The following ADGRD1 variants were observed in gnomAD, a reference collection of about 807,000 sequenced individuals.
The protein encoded by ADGRD1 is adhesion G protein-coupled receptor D1.
ADGRD1 carries 77 observed loss-of-function variants against 113.4 expected under a neutral mutation model. The ratio of observed to expected loss-of-function variants is 0.68; its 90% CI spans 0.57 to 0.82. The LOEUF is 0.82. Among genes scored for constraint, ADGRD1 ranks in the 40% least tolerant of loss-of-function variants. The pLI is 0.00. For missense variants in ADGRD1, 1,036 were observed against 1,139.1 expected, an observed-to-expected ratio of 0.91 and a Z score of 1.30; for synonymous variants, 474 against 475.0, an observed-to-expected ratio of 1.00 and a Z score of 0.03.
rs151291793 is a variant in ADGRD1, at chr12:131,136,172, C to T, written c.2394+9C>T. On this transcript the variant is annotated intron_variant, in intron 22 of 24. Coordinates refer to ENST00000261654, the MANE Select transcript of ADGRD1 (RefSeq NM_198827.5). ...CGCTCAACTCCCTGCAGGTGAGAGC[C>T]GCGGGGACTGGCGGGGAGGCAGGGC... 87 of 1,613,790 alleles carry T rather than the reference C, an allele frequency of 5.4e-5. No individual in the cohort carries two copies. In the East Asian group the frequency reaches 6.9e-4, roughly 13 times the overall value.
At chr12:131,105,689 G>A in intron 16 of ADGRD1, 65 bp from the exon 17 acceptor site, 1 of 1,284,660 alleles carries the variant, frequency 7.8e-7, no homozygotes, top group Non-Finnish European at 1.1e-6. Context: ...GTGGGGCCAG[G>A]GAGCCCAGCC....
intron 5 of ADGRD1, among the ~76,000 whole-genome samples, chr12:130,986,406 C>T (rs1449208794): frequency 6.6e-6 from 1 of 152,048 alleles, no homozygotes; most frequent in African/African-American, 2.4e-5. Context: ...CCTTTTTTGG[C>T]ACCAATGACA....
intron 15 of ADGRD1, among the ~76,000 whole-genome samples, chr12:131,097,893 C>T (rs1727357): frequency 0.9 from 137,100 of 152,266 alleles, 63,494 homozygotes; most frequent in East Asian, 1. Flanking sequence ...TGCTCTCTGC[C>T]CTACGCTTGG....
At position 131,084,691 on chromosome 12, in the gene ADGRD1, G is replaced by A. The variant is rs1252850204; in HGVS notation, c.1671+28G>A. ...AAGAGCCAGGCCTCAGGGGTCGCGG[G>A]ACCTGGGGGACGTACCATGAGGCTG... On this transcript the variant is annotated intron_variant, in intron 15 of 24. Transcript: ENST00000261654. The surrounding 1 kb of genome is among the most constrained non-coding windows in gnomAD (Gnocchi z 4.5). 7.4e-6 allele frequency: 12 copies of A among 1,611,782 alleles called. No individual in the cohort carries two copies. The highest frequency in any genetic ancestry group is 1.0e-5 in the Non-Finnish European group (12 of 1,179,226).
chr12:131,126,070 G>A (rs1370765931), intron 20 of ADGRD1, among the ~76,000 whole-genome samples: 1 of 152,200 alleles, frequency 6.6e-6, no homozygotes, highest in African/African-American at 2.4e-5. Flanking sequence ...CCTAAATACA[G>A]GCAGACAGAG....
chr12:131,002,822 C>G (rs71468466), intron 9 of ADGRD1: 1 of 1,235,956 alleles, frequency 8.1e-7, no homozygotes, highest in African/African-American at 1.6e-5. Context: ...AGCCCCTCCT[C>G]GTGAAGCACA....
chr12:131,043,209 A>C (rs1170103111), intron 13 of ADGRD1, among the ~76,000 whole-genome samples: 1 of 152,210 alleles, frequency 6.6e-6, no homozygotes, highest in Non-Finnish European at 1.5e-5. Flanking sequence ...GCATTTTCTC[A>C]GATGGCCTCC....
At chr12:130,964,489 T>C (rs4759812) in intron 2 of ADGRD1, among the ~76,000 whole-genome samples, 141,362 of 152,104 alleles carry the variant, frequency 0.93, 66,565 homozygotes, top group East Asian at 1. Context: ...AGTTCGAGAC[T>C]AGCCCGGCCA....
chr12:131,050,899 A>G lies in ADGRD1; in HGVS notation c.1474-25902A>G, dbSNP rs1446503697. Among the ~76,000 whole-genome samples, 1 of 152,052 alleles carries G rather than the reference A, an allele frequency of 6.6e-6. No homozygotes were observed. Among genetic ancestry groups the G allele is most frequent in the African/African-American group, 2.4e-5 (1 of 41,404 alleles). ...GAGAATCAAACGCCCGGCTGATCTG[A>G]TAGGAGGGGAGCTCAGGTGGGAATG... On this transcript the variant is annotated intron_variant, in intron 13 of 24. Transcript: ENST00000261654. This position sits in a 1 kb window ranked among gnomAD's most constrained non-coding sequence, Gnocchi z 4.8.
At chr12:131,007,282 G>A (rs1785011185) in intron 12 of ADGRD1, among the ~76,000 whole-genome samples, 1 of 152,226 alleles carries the variant, frequency 6.6e-6, no homozygotes, top group Non-Finnish European at 1.5e-5. Flanking sequence ...TGGCTTTCCA[G>A]AACTCTGCCC....
chr12:131,012,794 C>T (rs1246202049), intron 12 of ADGRD1, among the ~76,000 whole-genome samples: 1 of 152,208 alleles, frequency 6.6e-6, no homozygotes, highest in African/African-American at 2.4e-5. Context: ...GGTGTCGAAA[C>T]AGGGACCTGC....
chr12:131,084,225 AT>A lies in ADGRD1; in HGVS notation c.1548-311del, dbSNP rs1193666992. ...CAGGGCTGTGGGCCATGTGCGTTTC[AT>A]TTTGTGCTGGGCTTGGTCCAGGTGC... On this transcript the variant is annotated intron_variant, in intron 14 of 24. Coordinates refer to ENST00000261654, the MANE Select transcript of ADGRD1 (RefSeq NM_198827.5). The surrounding 1 kb of genome is among the most constrained non-coding windows in gnomAD (Gnocchi z 4.5). Among the ~76,000 whole-genome samples the A allele has an allele frequency of 6.6e-6, 1 of 151,926 alleles. No individual in the cohort carries two copies. Among genetic ancestry groups the A allele is most frequent in the African/African-American group, 2.4e-5 (1 of 41,348 alleles).
At position 131,022,729 on chromosome 12, in the gene ADGRD1, G is replaced by C. The variant is rs1879463199; in HGVS notation, c.1473+8389G>C. On this transcript the variant is annotated intron_variant, in intron 13 of 24. Coordinates refer to ENST00000261654, the MANE Select transcript of ADGRD1 (RefSeq NM_198827.5). The surrounding 1 kb of genome is among the most constrained non-coding windows in gnomAD (Gnocchi z 4.6). ...CTCATGGAATCGGCTCTTTCCCTAAGGAGCCCTGGTGCCTTTGGTTGGAGA... is the reference window on the plus strand; with the variant it reads ...CTCATGGAATCGGCTCTTTCCCTAACGAGCCCTGGTGCCTTTGGTTGGAGA... 6.6e-6 allele frequency: 1 copy of C among 152,036 alleles called. No homozygotes were observed. The highest frequency in any genetic ancestry group is 6.6e-5 in the Admixed American group (1 of 15,254). 9.4% of individuals were successfully genotyped at this position (152,036 alleles called of 1,614,324 possible). A position where few individuals can be genotyped will look rare whatever the true frequency, so the allele number is the denominator to read the frequency against.
intron 13 of ADGRD1, among the ~76,000 whole-genome samples, chr12:131,066,120 C>T (rs552868532): frequency 6.6e-6 from 1 of 152,338 alleles, no homozygotes; most frequent in East Asian, 1.9e-4. Context: ...GGGGCAACTC[C>T]AGACTCATGA....
chr12:130,955,605 G>A (rs1047124677), intron 2 of ADGRD1, among the ~76,000 whole-genome samples: 1 of 152,156 alleles, frequency 6.6e-6, no homozygotes, highest in Non-Finnish European at 1.5e-5. Flanking sequence ...GTTGCTCCCT[G>A]CTGGAAGTTG....
rs1000781167 is a variant in ADGRD1 at position 131,050,463 on chromosome 12, T to C, written c.1474-26338T>C. Among the ~76,000 whole-genome samples, 3 of 152,108 alleles carry C rather than the reference T, an allele frequency of 2.0e-5. No individual in the cohort carries two copies. The highest frequency in any genetic ancestry group is 7.2e-5 in the African/African-American group (3 of 41,422). ...GTAATTTATTTTAAAAAAAGAGGTTTAATTGCCTCACGGTTCTGCAGGGGG... is the reference window on the plus strand; with the variant it reads ...GTAATTTATTTTAAAAAAAGAGGTTCAATTGCCTCACGGTTCTGCAGGGGG... On this transcript the variant is annotated intron_variant, in intron 13 of 24. Transcript: ENST00000261654. This position sits in a 1 kb window ranked among gnomAD's most constrained non-coding sequence, Gnocchi z 4.8.
intron 15 of ADGRD1, among the ~76,000 whole-genome samples, chr12:131,098,010 C>T (rs1271085569): frequency 2.0e-5 from 3 of 152,206 alleles, no homozygotes; most frequent in Non-Finnish European, 2.9e-5. Flanking sequence ...GTGGCTCCAG[C>T]GCCTGCATGC....
At chr12:131,074,104 G>A (rs1885393506) in intron 13 of ADGRD1, among the ~76,000 whole-genome samples, 1 of 152,188 alleles carries the variant, frequency 6.6e-6, no homozygotes, top group Non-Finnish European at 1.5e-5. Context: ...GTATCTCCTA[G>A]AAGGAGACAC....
chr12:131,118,427 T>G lies in ADGRD1; in HGVS notation c.2084T>G (p.Met695Arg). 1 of 1,612,160 alleles carries G rather than the reference T, an allele frequency of 6.2e-7. No homozygotes were observed. Among genetic ancestry groups the G allele is most frequent in the South Asian group, 1.1e-5 (1 of 90,646 alleles). Reference sequence around the variant, plus strand: ...TGCATCATTTCACTGTCATTTGCCATGGACAGTTACGGAACAAGCAACAAG... The same window carrying G: ...TGCATCATTTCACTGTCATTTGCCAGGGACAGTTACGGAACAAGCAACAAG... Reference protein sequence around the residue: ...LICIISLSFAMDSYGTSNNCW... With the variant: ...LICIISLSFARDSYGTSNNCW... Residue 695 changes from methionine to arginine, a missense_variant, in exon 19 of 25, where the codon ATG becomes AGG. Transcript: ENST00000261654.
Sources: gnomAD v4.1 joint callset for allele counts (sites outside exome capture counted in the v4.1 genomes callset) on GRCh38, gnomAD v4.1.1 for gene constraint, Gnocchi (gnomAD v3.1) non-coding constraint, MANE v1.5 for transcripts, NCBI Gene and HGNC (gene_info 2026-07-23, HGNC 2026-07-21) for gene names.